Variants in LRP1B observed in about 807,000 individuals in gnomAD.
LRP1B encodes the protein low-density lipoprotein receptor-related protein 1B.
In LRP1B, 217 loss-of-function variants were observed where a neutral mutation model predicts 556.6. The observed-to-expected ratio is 0.39, with a 90% confidence interval of 0.35 to 0.44. The LOEUF is 0.44. LRP1B is among the 20% of genes least tolerant of loss of function. The probability of loss-of-function intolerance (pLI) is 1.00; values close to 1 mark genes in which losing one functional copy is unlikely to be tolerated. For synonymous variants in LRP1B, 2,047 were observed against 1,865.8 expected (o/e 1.10, Z -2.50); for missense variants, 5,053 against 5,620.8 (o/e 0.90, Z 3.23).
chr2:141,362,918 G>T (rs1688885466), intron 3 of LRP1B, among the ~76,000 whole-genome samples: 2 of 151,742 alleles, frequency 1.3e-5, no homozygotes, highest in Admixed American at 6.6e-5. Flanking sequence ...CAAAAGCTTG[G>T]TAAAAATATT....
intron 1 of LRP1B, among the ~76,000 whole-genome samples, chr2:142,058,956 A>G (rs1460481319): frequency 6.6e-6 from 1 of 152,142 alleles, no homozygotes; most frequent in Non-Finnish European, 1.5e-5. Flanking sequence ...AAATAGGAGA[A>G]ATAGTAGGGC....
chr2:140,703,764 C>G lies in LRP1B; in HGVS notation c.6024-1211G>C, dbSNP rs78995677. 4.6e-3 allele frequency among the ~76,000 whole-genome samples: 703 copies of G among 152,214 alleles called. 7 individuals are homozygous for G. Among genetic ancestry groups the G allele is most frequent in the Middle Eastern group, 0.024 (7 of 292 alleles). On this transcript the variant is annotated intron_variant, in intron 37 of 90. Transcript: ENST00000389484. ...GCTCCCACTTATAAGTGAGAACACTCAGTGCTTGCTTTTCTGTTCCTGCAT... is the reference window on the plus strand; with the variant it reads ...GCTCCCACTTATAAGTGAGAACACTGAGTGCTTGCTTTTCTGTTCCTGCAT...
chr2:142,092,905 A>C (rs1706224345), intron 1 of LRP1B, among the ~76,000 whole-genome samples: 1 of 152,074 alleles, frequency 6.6e-6, no homozygotes, highest in Non-Finnish European at 1.5e-5. Context: ...TTTTTCTTCA[A>C]AATATGTGTA....
chr2:141,040,015 C>T (rs1235540706), intron 11 of LRP1B, among the ~76,000 whole-genome samples: 1 of 152,036 alleles, frequency 6.6e-6, no homozygotes, highest in Admixed American at 6.6e-5. Context: ...TATGTGCAAA[C>T]AGGCTATATT....
intron 1 of LRP1B, among the ~76,000 whole-genome samples, chr2:142,092,652 T>TGTGTG (rs566167395): frequency 2.7e-5 from 4 of 150,322 alleles, no homozygotes; most frequent in Non-Finnish European, 5.9e-5. Context: ...GTGTGTGTGT[T>TGTGTG]TTTGTATGGG....
chr2:141,189,822 C>T (rs1209814705), intron 6 of LRP1B, among the ~76,000 whole-genome samples: 1 of 151,800 alleles, frequency 6.6e-6, no homozygotes, highest in Non-Finnish European at 1.5e-5. Context: ...AAAAAGGTAT[C>T]CCAAAATATA....
rs1178946809 is a variant in LRP1B, at chr2:140,840,933, G to T, written c.5099C>A (p.Ala1700Asp). The T allele has an allele frequency of 6.2e-7, 1 of 1,605,578 alleles. No homozygotes were observed. Among genetic ancestry groups the T allele is most frequent in the Non-Finnish European group, 8.5e-7 (1 of 1,176,214 alleles). The change falls in exon 30 of 91, where the codon GCT becomes GAT. Residue 1700 changes from alanine (A) to aspartate (D), a missense_variant. By Grantham distance (126) the Ala-to-Asp change is moderately radical (BLOSUM62 -2). Around this residue, in one of 5 missense-constraint regions of LRP1B, gnomAD observed 3,619 missense variants for 3,931.9 expected, o/e 0.92. Transcript: ENST00000389484. ...HGIDKPQCLA[A>D]HPVRGKLYWT... ...CATACTTTACCCCCTGACTGGGTGA[G>T]CTGCAAGACACTGTGGCTTATCGAT...
At position 140,403,513 on chromosome 2, in the gene LRP1B, T is replaced by A. The variant is rs146253807; in HGVS notation, c.10415-17504A>T. ...AGTATCCCCAATAGACTAGAACTAGTAGAAGAAGGAACTTCAGAGCTTGAA... is the reference window on the plus strand; with the variant it reads ...AGTATCCCCAATAGACTAGAACTAGAAGAAGAAGGAACTTCAGAGCTTGAA... On this transcript the variant is annotated intron_variant, in intron 66 of 90. Transcript: ENST00000389484. Among the ~76,000 whole-genome samples the A allele has an allele frequency of 3.5e-3, 528 of 152,224 alleles. 4 individuals are homozygous for A. The highest frequency in any genetic ancestry group is 0.012 in the African/African-American group (510 of 41,524).
At chr2:140,469,032 G>A (rs1687661706) in intron 60 of LRP1B, among the ~76,000 whole-genome samples, 1 of 152,162 alleles carries the variant, frequency 6.6e-6, no homozygotes, top group Non-Finnish European at 1.5e-5. Context: ...TTGAGTTAGT[G>A]TTGGAACAAG....
At chr2:141,925,148 A>G (rs1481370787) in intron 1 of LRP1B, among the ~76,000 whole-genome samples, 1 of 152,192 alleles carries the variant, frequency 6.6e-6, no homozygotes, top group African/African-American at 2.4e-5. Flanking sequence ...CTTTCTCAAT[A>G]GGAGATATTA....
intron 55 of LRP1B, among the ~76,000 whole-genome samples, chr2:140,500,552 T>C (rs1689139746): frequency 1.3e-5 from 2 of 151,994 alleles, no homozygotes; most frequent in Non-Finnish European, 2.9e-5. Context: ...AAGTGTTCTA[T>C]CATTAGAAAC....
At chr2:141,783,920 T>G (rs1695341256) in intron 2 of LRP1B, among the ~76,000 whole-genome samples, 1 of 151,876 alleles carries the variant, frequency 6.6e-6, no homozygotes, top group African/African-American at 2.4e-5. Context: ...GACAAGTATT[T>G]ACTCTTTTGG....
intron 66 of LRP1B, among the ~76,000 whole-genome samples, chr2:140,431,178 G>A (rs1393162568): frequency 2.0e-5 from 3 of 151,910 alleles, no homozygotes; most frequent in Non-Finnish European, 4.4e-5. Context: ...TATCCCTTAC[G>A]GTCCTCAGTC....
intron 2 of LRP1B, among the ~76,000 whole-genome samples, chr2:141,706,593 T>C (rs184167365): frequency 6.6e-6 from 1 of 152,204 alleles, no homozygotes; most frequent in Non-Finnish European, 1.5e-5. Context: ...CTCCATTTCT[T>C]ACTGAAAATA....
At chr2:141,480,647 G>T in intron 2 of LRP1B, 114 bp from the exon 3 acceptor site, 1 of 1,008,396 alleles carries the variant, frequency 9.9e-7, no homozygotes, top group South Asian at 1.3e-5. Flanking sequence ...AGAAAATACT[G>T]TAAGAGTGCT....
chr2:141,760,654 G>C (rs896738060), intron 2 of LRP1B, among the ~76,000 whole-genome samples: 7 of 152,158 alleles, frequency 4.6e-5, no homozygotes, highest in African/African-American at 1.7e-4. Flanking sequence ...GTCATGGATT[G>C]TTACAGAGTT....
chr2:141,474,913 A>G (rs1682641489), intron 3 of LRP1B, among the ~76,000 whole-genome samples: 1 of 152,216 alleles, frequency 6.6e-6, no homozygotes, highest in Non-Finnish European at 1.5e-5. Context: ...AAAGGACTTC[A>G]GAATGTTTGC....
chr2:140,403,114 A>G (rs34990856), intron 66 of LRP1B, among the ~76,000 whole-genome samples: 13,732 of 152,208 alleles, frequency 0.09, 742 homozygotes, highest in Middle Eastern at 0.14. Context: ...TTACGGGGAG[A>G]AAAGAAAGAA....
At chr2:140,391,069 G>A (rs1286480342) in intron 66 of LRP1B, among the ~76,000 whole-genome samples, 1 of 151,998 alleles carries the variant, frequency 6.6e-6, no homozygotes, top group Non-Finnish European at 1.5e-5. Flanking sequence ...AAACTAATTT[G>A]TATGAGACAT....
Sources: gnomAD v4.1 joint callset for allele counts (sites outside exome capture counted in the v4.1 genomes callset) on GRCh38, gnomAD v4.1.1 for gene constraint, gnomAD v4.1.1 regional missense constraint, MANE v1.5 for transcripts, NCBI Gene and HGNC (gene_info 2026-07-23, HGNC 2026-07-21) for gene names.